The following CTPS1 variants were observed in gnomAD, a reference collection of about 807,000 sequenced individuals.
CTPS1 encodes the protein CTP synthetase 1.
In CTPS1, 25 loss-of-function variants were observed where a neutral mutation model predicts 80.5. That is an observed-to-expected ratio of 0.31 (90% CI 0.23 to 0.43). The LOEUF is 0.43. Among genes scored for constraint, CTPS1 ranks in the 20% least tolerant of loss-of-function variants. The probability of loss-of-function intolerance (pLI) is 1.00; values close to 1 mark genes in which losing one functional copy is unlikely to be tolerated. For synonymous variants in CTPS1, 267 were observed against 252.5 expected (o/e 1.06, Z -0.54); for missense variants, 442 against 725.7 (o/e 0.61, Z 4.49).
chr1:41,002,621 T>C (rs1472136354), intron 11 of CTPS1, among the ~76,000 whole-genome samples: 2 of 152,220 alleles, frequency 1.3e-5, no homozygotes, highest in Admixed American at 1.3e-4. Context: ...CTGTACATTT[T>C]AGTAATTTTC....
intron 1 of CTPS1, among the ~76,000 whole-genome samples, chr1:40,981,628 C>G (rs1570934668): frequency 6.6e-6 from 1 of 152,282 alleles, no homozygotes; most frequent in South Asian, 2.1e-4. Context: ...TAGCAGTGAT[C>G]ACAGTGCGAG....
At chr1:41,002,336 T>G (rs923368381) in intron 11 of CTPS1, 82 bp downstream of exon 11, 6 of 1,097,088 alleles carry the variant, frequency 5.5e-6, no homozygotes, top group Non-Finnish European at 7.0e-6. Flanking sequence ...ATGAACAAAG[T>G]GGGGGGATTA....
chr1:40,983,608 G>A, intron 2 of CTPS1, 152 bp downstream of exon 2: 1 of 514,304 alleles, frequency 1.9e-6, no homozygotes. Flanking sequence ...TAGAAAGGAA[G>A]AAGCAGAATT....
At position 40,984,973 on chromosome 1, in the gene CTPS1, T is replaced by C; in HGVS notation, c.319T>C (p.Leu107=). 1 of 1,580,094 alleles carries C rather than the reference T, an allele frequency of 6.3e-7. No individual in the cohort carries two copies. The highest frequency in any genetic ancestry group is 1.7e-5 in the Admixed American group (1 of 57,176). ...VINKERKGDY[L]GKTVQVVPHI... is the part of the protein sequence containing the mutation. ...TAACAAGGAACGGAAAGGAGATTAC[T>C]TGGGGAAAACTGTCCAAGGTAATAC... Residue 107 remains leucine, a synonymous_variant, in exon 3 of 19, where the codon TTG becomes CTG. Transcript: ENST00000650070.
At position 41,002,152 on chromosome 1, in the gene CTPS1, T is replaced by C. The variant is rs1463082505; in HGVS notation, c.1095-8T>C. On this transcript the variant is annotated splice_polypyrimidine_tract_variant and splice_region_variant and intron_variant, in intron 10 of 18. Coordinates refer to ENST00000650070, the MANE Select transcript of CTPS1 (RefSeq NM_001905.4). ...GGAATTGCCTTTGTGGTTTGTTCTT[T>C]TGTGCAGTGGAGTGCTGGTTCCAGG... The C allele has an allele frequency of 1.2e-6, 2 of 1,613,898 alleles. No homozygotes were observed. Among genetic ancestry groups the C allele is most frequent in the South Asian group, 2.2e-5 (2 of 91,076 alleles).
At position 40,997,397 on chromosome 1, in the gene CTPS1, T is replaced by C. The variant is rs560937198; in HGVS notation, c.876T>C (p.Tyr292=). The C allele has an allele frequency of 5.0e-6, 8 of 1,613,482 alleles. No homozygotes were observed. Among genetic ancestry groups the C allele is most frequent in the Admixed American group, 3.3e-5 (2 of 59,860 alleles). ...LMKWKEMADR[Y]DRLLETCSIA... is the part of the protein sequence containing the mutation. The stretch of plus-strand genomic sequence containing the variant: ...TTTCTTGACGTTTATTTGATAGATA[T>C]GATCGCTTGCTGGAGACCTGCTCTA... The change falls in exon 9 of 19, where the codon TAT becomes TAC. Residue 292 remains tyrosine (Y), a synonymous_variant. Coordinates refer to ENST00000650070, the MANE Select transcript of CTPS1 (RefSeq NM_001905.4).
intron 9 of CTPS1, 97 bp downstream of exon 9, chr1:40,997,623 A>G: frequency 7.1e-7 from 1 of 1,402,716 alleles, no homozygotes; most frequent in Non-Finnish European, 9.6e-7. Context: ...TTTGGAGCTC[A>G]GAATTACTTT....
intron 8 of CTPS1, among the ~76,000 whole-genome samples, chr1:40,996,733 T>C (rs1444857152): frequency 6.6e-6 from 1 of 152,220 alleles, no homozygotes; most frequent in Non-Finnish European, 1.5e-5. Context: ...TGCTTACATA[T>C]AGCTATCAGA....
chr1:40,983,251 A>C (rs771807299), intron 1 of CTPS1, 27 bp from the exon 2 acceptor site: 2 of 1,594,362 alleles, frequency 1.3e-6, no homozygotes, highest in Non-Finnish European at 1.7e-6. Flanking sequence ...ATACATTTAT[A>C]TCATCTGTAA....
At chr1:40,987,237 C>CA in intron 3 of CTPS1, 135 bp from the exon 4 acceptor site, 1 of 659,586 alleles carries the variant, frequency 1.5e-6, no homozygotes, top group South Asian at 1.8e-5. Context: ...AAGGGGGCCT[C>CA]AAAAGTATTT....
chr1:41,006,162 G>C, intron 13 of CTPS1, 68 bp downstream of exon 13: 1 of 1,300,956 alleles, frequency 7.7e-7, no homozygotes, highest in Non-Finnish European at 1.1e-6. Flanking sequence ...GAACGTGATT[G>C]ATGATTAGAG....
chr1:40,985,063 C>A, intron 3 of CTPS1, 72 bp downstream of exon 3: 1 of 1,059,350 alleles, frequency 9.4e-7, no homozygotes, highest in Non-Finnish European at 1.3e-6. Context: ...CACCTCTACA[C>A]AGATGTGTAA....
At chr1:40,979,995 A>G (rs2148379907) in intron 1 of CTPS1, 166 bp downstream of exon 1, 1 of 151,756 alleles carries the variant, frequency 6.6e-6, no homozygotes, top group African/African-American at 2.4e-5. Context: ...CTGTGTGCCT[A>G]ACGGGAGTGG....
chr1:41,009,412 A>G (rs1643113559), intron 16 of CTPS1, 33 bp from the exon 17 acceptor site: 4 of 1,531,892 alleles, frequency 2.6e-6, no homozygotes, highest in African/African-American at 2.8e-5. Context: ...TAACCTTCAC[A>G]ATGAAGCTGT....
chr1:40,987,446 C>G lies in CTPS1; in HGVS notation c.412C>G (p.Leu138Val), dbSNP rs1287745644. ...QALIPVDEDG[L>V]EPQVCVIELG... ...GTTAATACCTGTAGATGAAGATGGC[C>G]TGGAACCTCAAGTGTGTGTTATTGA... Residue 138 changes from leucine (L) to valine (V), a missense_variant, in exon 4 of 19, where the codon CTG becomes GTG. Leu to Val is a conservative substitution (Grantham distance 32). This residue lies in a region of CTPS1 where 69 missense variants were observed against 102.1 expected (regional missense o/e 0.68). Coordinates refer to ENST00000650070, the MANE Select transcript of CTPS1 (RefSeq NM_001905.4). The G allele has an allele frequency of 1.2e-6, 2 of 1,613,310 alleles. No homozygotes were observed. The highest frequency in any genetic ancestry group is 1.7e-6 in the Non-Finnish European group (2 of 1,179,460).
At chr1:40,982,309 C>T (rs1642331109) in intron 1 of CTPS1, among the ~76,000 whole-genome samples, 1 of 152,178 alleles carries the variant, frequency 6.6e-6, no homozygotes, top group African/African-American at 2.4e-5. Context: ...CCCTCTCCCC[C>T]AGTATTTACA....
chr1:40,986,751 C>G (rs1642464076), intron 3 of CTPS1, among the ~76,000 whole-genome samples: 1 of 152,170 alleles, frequency 6.6e-6, no homozygotes, highest in Non-Finnish European at 1.5e-5. Flanking sequence ...AGGCACTTTA[C>G]CGAGCATTTT....
intron 5 of CTPS1, among the ~76,000 whole-genome samples, chr1:40,989,178 C>T (rs1642536270): frequency 6.6e-6 from 1 of 152,158 alleles, no homozygotes; most frequent in Non-Finnish European, 1.5e-5. Flanking sequence ...GGGTGGGCCT[C>T]ATGTAACTAC....
At position 41,011,705 on chromosome 1, in the gene CTPS1, C is replaced by T. The variant is rs1643177325; in HGVS notation, c.*57C>T. 1 of 152,032 alleles carries T rather than the reference C, an allele frequency of 6.6e-6. No individual in the cohort carries two copies. Among genetic ancestry groups the T allele is most frequent in the South Asian group, 2.1e-4 (1 of 4,830 alleles). 9.4% of individuals were successfully genotyped at this position (152,032 alleles called of 1,614,324 possible). A position where few individuals can be genotyped will look rare whatever the true frequency, so the allele number is the denominator to read the frequency against. On this transcript the variant is annotated 3_prime_UTR_variant, in exon 19 of 19. Transcript: ENST00000650070. The stretch of plus-strand genomic sequence containing the variant: ...TCAAACTTGGGTAGAGTTTACAGCT[C>T]TGACTTTACACTCGGCTTTGGAGAC...
Sources: gnomAD v4.1 joint callset for allele counts (sites outside exome capture counted in the v4.1 genomes callset) on GRCh38, gnomAD v4.1.1 for gene constraint, gnomAD v4.1.1 regional missense constraint, MANE v1.5 for transcripts, NCBI Gene and HGNC (gene_info 2026-07-23, HGNC 2026-07-21) for gene names.